MS4A4E: variants seen among roughly 807,000 people sequenced by gnomAD.
The protein encoded by MS4A4E is membrane spanning 4-domains A4E.
In MS4A4E, 23 loss-of-function variants were observed where a neutral mutation model predicts 13.3. That is an observed-to-expected ratio of 1.73 (90% confidence interval 1.25 to 2.45). The LOEUF (loss-of-function observed/expected upper bound fraction) is 2.45. Ranked by LOEUF, MS4A4E falls within the 30% of genes most tolerant of loss-of-function variation. The pLI, the probability that MS4A4E is intolerant of heterozygous loss-of-function variation, is 0.00. For missense variants in MS4A4E, 144 were observed against 131.2 expected (o/e 1.10, Z -0.48); for synonymous variants, 36 against 45.6 (o/e 0.79, Z 0.85).
intron 1 of MS4A4E, among the ~76,000 whole-genome samples, chr11:60,234,783 C>T (rs1565129282): frequency 8.3e-6 from 1 of 120,420 alleles, no homozygotes; most frequent in East Asian, 2.5e-4. Context: ...AACAACCCCC[C>T]CCCCCAAAAT....
chr11:60,234,771 A>G (rs2084458540), intron 1 of MS4A4E, among the ~76,000 whole-genome samples: 1 of 118,106 alleles, frequency 8.5e-6, no homozygotes, highest in South Asian at 2.3e-4. Context: ...AATATCTACA[A>G]AAACAACCCC....
At chr11:60,221,507 G>A (rs1283855798) in intron 3 of MS4A4E, among the ~76,000 whole-genome samples, 2 of 152,214 alleles carry the variant, frequency 1.3e-5, no homozygotes, top group South Asian at 2.1e-4. Flanking sequence ...TGCACGATAT[G>A]CAGGCACCAC....
At chr11:60,232,474 CCCCA>C (rs2084424634) in intron 1 of MS4A4E, among the ~76,000 whole-genome samples, 1 of 152,162 alleles carries the variant, frequency 6.6e-6, no homozygotes, top group African/African-American at 2.4e-5. Context: ...TCACCCCTTC[CCCCA>C]GTTAGAACCA....
At chr11:60,240,743 GA>G (rs2084538055) in intron 1 of MS4A4E, among the ~76,000 whole-genome samples, 1 of 152,058 alleles carries the variant, frequency 6.6e-6, no homozygotes, top group Non-Finnish European at 1.5e-5. Context: ...CCCCGGCCAT[GA>G]CCACCTTACA....
chr11:60,213,470 A>G (rs1002650838), intron 4 of MS4A4E: 7 of 601,596 alleles, frequency 1.2e-5, no homozygotes, highest in African/African-American at 1.1e-4. Flanking sequence ...ATTGTTCTAA[A>G]CACTGCTTGC....
intron 3 of MS4A4E, among the ~76,000 whole-genome samples, chr11:60,224,681 G>A (rs2084318328): frequency 6.6e-6 from 1 of 152,166 alleles, no homozygotes; most frequent in Non-Finnish European, 1.5e-5. Flanking sequence ...ATCTTGTTGT[G>A]AAACAATCAG....
chr11:60,234,105 T>C (rs989500410), intron 1 of MS4A4E, among the ~76,000 whole-genome samples: 20 of 152,172 alleles, frequency 1.3e-4, no homozygotes, highest in Non-Finnish European at 2.5e-4. Context: ...GTCTATTCTA[T>C]ACCTATCTCA....
chr11:60,217,735 A>G (rs934647372), intron 3 of MS4A4E, among the ~76,000 whole-genome samples: 3 of 152,158 alleles, frequency 2.0e-5, no homozygotes, highest in Non-Finnish European at 4.4e-5. Context: ...CACTTCCTCA[A>G]TCAATACCCT....
intron 3 of MS4A4E, among the ~76,000 whole-genome samples, chr11:60,226,189 G>A (rs1014000108): frequency 1.3e-5 from 2 of 151,560 alleles, no homozygotes; most frequent in Non-Finnish European, 2.9e-5. Flanking sequence ...ACCAGGCCTG[G>A]AAAGGTTTGG....
chr11:60,209,551 A>G (rs1167824576), intron 5 of MS4A4E, among the ~76,000 whole-genome samples: 1 of 152,220 alleles, frequency 6.6e-6, no homozygotes, highest in East Asian at 1.9e-4. Flanking sequence ...ATGATTTTAT[A>G]TGGTTCTGCC....
At chr11:60,211,596 A>C (rs1702059912) in intron 5 of MS4A4E, among the ~76,000 whole-genome samples, 1 of 152,160 alleles carries the variant, frequency 6.6e-6, no homozygotes, top group African/African-American at 2.4e-5. Context: ...GGTGGTGTTG[A>C]AAATGACCAG....
At chr11:60,225,828 A>C (rs2084333918) in intron 3 of MS4A4E, among the ~76,000 whole-genome samples, 1 of 152,076 alleles carries the variant, frequency 6.6e-6, no homozygotes, top group Non-Finnish European at 1.5e-5. Flanking sequence ...AAAATTAAAA[A>C]CAGAAAATTA....
chr11:60,220,309 G>C (rs961180036), intron 3 of MS4A4E, among the ~76,000 whole-genome samples: 5 of 152,288 alleles, frequency 3.3e-5, no homozygotes, highest in Admixed American at 2.0e-4. Flanking sequence ...ACCAGATGTG[G>C]TTTCATTGCT....
At chr11:60,212,666 T>C (rs1026283970) in intron 5 of MS4A4E, among the ~76,000 whole-genome samples, 1 of 152,188 alleles carries the variant, frequency 6.6e-6, no homozygotes. Context: ...CAGTAGACAC[T>C]GCATCAATGT....
intron 8 of MS4A4E, among the ~76,000 whole-genome samples, chr11:60,204,621 T>G (rs1210228276): frequency 6.6e-6 from 1 of 152,252 alleles, no homozygotes; most frequent in African/African-American, 2.4e-5. Context: ...CATGCTACTA[T>G]ATGAACCCTG....
chr11:60,218,100 C>G (rs954258307), intron 3 of MS4A4E, among the ~76,000 whole-genome samples: 34 of 152,304 alleles, frequency 2.2e-4, no homozygotes, highest in Admixed American at 1.8e-3. Context: ...AATGGCCCCC[C>G]AGATGTGCCG....
At chr11:60,206,265 G>C (rs1263093888) in intron 6 of MS4A4E, among the ~76,000 whole-genome samples, 1 of 151,626 alleles carries the variant, frequency 6.6e-6, no homozygotes, top group Non-Finnish European at 1.5e-5. Flanking sequence ...ATACCTTTTT[G>C]CCCTTCTGCT....
chr11:60,227,697 C>G lies in MS4A4E; in HGVS notation c.178+897G>C, dbSNP rs375852879. Among the ~76,000 whole-genome samples, 37 of 152,026 alleles carry G rather than the reference C, an allele frequency of 2.4e-4. No homozygotes were observed. In the South Asian group the frequency reaches 5.2e-3, roughly 21 times the overall value. On this transcript the variant is annotated intron_variant, in intron 3 of 8. Coordinates refer to ENST00000651255, the MANE Select transcript of MS4A4E (RefSeq NM_001393391.1). ...GGAGTAACACTACCCATCTTTAGGA[C>G]AAACTATAAAGTGATAGTAATCAGG...
chr11:60,207,449 A>T (rs915819357), intron 6 of MS4A4E, among the ~76,000 whole-genome samples: 45 of 152,312 alleles, frequency 3.0e-4, no homozygotes, highest in African/African-American at 1.0e-3. Flanking sequence ...CTAGGGTTTT[A>T]CAATGCAAAA....
Sources: gnomAD v4.1 joint callset for allele counts (sites outside exome capture counted in the v4.1 genomes callset) on GRCh38, gnomAD v4.1.1 for gene constraint, MANE v1.5 for transcripts, NCBI Gene and HGNC (gene_info 2026-07-23, HGNC 2026-07-21) for gene names.